Variants in PCDHGB1 observed in about 807,000 individuals in gnomAD.
PCDHGB1 encodes protocadherin gamma subfamily B, 1, also known as protocadherin gamma-B1.
In PCDHGB1, 34 loss-of-function variants were observed where a neutral mutation model predicts 56.6. The ratio of observed to expected loss-of-function variants is 0.60; its 90% CI spans 0.46 to 0.80. The LOEUF is 0.80. Among genes scored for constraint, PCDHGB1 ranks in the 30% least tolerant of loss-of-function variants. The pLI is 0.00. For missense variants in PCDHGB1, 1,278 were observed against 1,204.6 expected (o/e 1.06, Z -0.90); for synonymous variants, 561 against 505.9 (o/e 1.11, Z -1.46).
Position 141,486,054 on chromosome 5 carries a change from G to T in PCDHGB1, c.2410-8753G>T. The T allele has an allele frequency of 1.2e-6, 2 of 1,614,124 alleles. No homozygotes were observed. Among genetic ancestry groups the T allele is most frequent in the South Asian group, 1.1e-5 (1 of 91,072 alleles). On this transcript the variant is annotated intron_variant, in intron 1 of 3. Transcript: ENST00000523390. The surrounding 1 kb of genome is among the most constrained non-coding windows in gnomAD (Gnocchi z 5.0). The stretch of plus-strand genomic sequence containing the variant: ...CCTGATCGTGTAAGAAACCTCTTTA[G>T]CCTGCACCCCACTACTGGAAAGCTT...
In PCDHGB1 at chr5:141,476,574, G is replaced by C. The variant is rs746783993; in HGVS notation, c.2410-18233G>C. The C allele has an allele frequency of 1.1e-5, 18 of 1,614,084 alleles. No homozygotes were observed. The Admixed American group carries it at 1.8e-4, about 16-fold the overall frequency. On this transcript the variant is annotated intron_variant, in intron 1 of 3. Coordinates refer to ENST00000523390, the MANE Select transcript of PCDHGB1 (RefSeq NM_018922.3). The surrounding 1 kb of genome is among the most constrained non-coding windows in gnomAD (Gnocchi z 7.6). ...AGCGAGGCCGTGGCTCCGGGGACGC[G>C]CTTTCCGCTCGAGAGCGCGCACGAT...
intron 1 of PCDHGB1, chr5:141,419,522 C>T (rs781128524): frequency 1.5e-5 from 24 of 1,612,178 alleles, no homozygotes; most frequent in Non-Finnish European, 1.9e-5. Flanking sequence ...GGTGGGCGAC[C>T]GTAACGACAA....
chr5:141,424,023 A>G (rs1391381195), intron 1 of PCDHGB1: 1 of 1,047,166 alleles, frequency 9.5e-7, no homozygotes, highest in Non-Finnish European at 1.2e-6. Context: ...TGATTCACAA[A>G]CACTTTTTAT....
Position 141,485,778 on chromosome 5 carries a change from G to T in PCDHGB1, c.2410-9029G>T. The T allele has an allele frequency of 6.2e-7, 1 of 1,614,216 alleles. No individual in the cohort carries two copies. Among genetic ancestry groups the T allele is most frequent in the Admixed American group, 1.7e-5 (1 of 60,028 alleles). ...CTGCTCCTGGAGAAGCCTTTGGATC[G>T]AGAGAAGCAATCGGACTACCGCCTG... is the stretch of plus-strand genomic sequence containing the variant. On this transcript the variant is annotated intron_variant, in intron 1 of 3. Coordinates refer to ENST00000523390, the MANE Select transcript of PCDHGB1 (RefSeq NM_018922.3). The surrounding 1 kb of genome is among the most constrained non-coding windows in gnomAD (Gnocchi z 5.7).
At position 141,393,312 on chromosome 5, in the gene PCDHGB1, C is replaced by T. The variant is rs1308410982; in HGVS notation, c.2409+40643C>T. 8 of 1,613,494 alleles carry T rather than the reference C, an allele frequency of 5.0e-6. No homozygotes were observed. The East Asian group carries it at 8.9e-5, about 18-fold the overall frequency. On this transcript the variant is annotated intron_variant, in intron 1 of 3. Coordinates refer to ENST00000523390, the MANE Select transcript of PCDHGB1 (RefSeq NM_018922.3). ...TGACCCGGATGTGGGCGTGAACTCC[C>T]TCCAGAGCTACCAGCTCAGCCCCAA... is the stretch of plus-strand genomic sequence containing the variant.
In PCDHGB1 at chr5:141,417,986, A is replaced by G. The variant is rs777967345; in HGVS notation, c.2409+65317A>G. On this transcript the variant is annotated intron_variant, in intron 1 of 3. Coordinates refer to ENST00000523390, the MANE Select transcript of PCDHGB1 (RefSeq NM_018922.3). ...CTACTCGATTCCGGAGGAGCTGGCC[A>G]AGGGCTCGGTGGTGGGGAACCTCGC... The G allele has an allele frequency of 9.9e-6, 16 of 1,613,490 alleles. No individual in the cohort carries two copies. Among genetic ancestry groups the G allele is most frequent in the Non-Finnish European group, 1.4e-5 (16 of 1,179,718 alleles).
At chr5:141,362,734 T>C (rs955970127) in intron 1 of PCDHGB1, 2 of 766,658 alleles carry the variant, frequency 2.6e-6, no homozygotes, top group Non-Finnish European at 4.1e-6. Flanking sequence ...TGAGATTTAT[T>C]TACCCATGAT....
At chr5:141,374,796 A>G (rs1422023332) in intron 1 of PCDHGB1, 5 of 1,613,974 alleles carry the variant, frequency 3.1e-6, no homozygotes, top group Non-Finnish European at 3.4e-6. Context: ...GTGAATGACA[A>G]CACTCCAATG....
chr5:141,434,092 A>C (rs1333686339), intron 1 of PCDHGB1, among the ~76,000 whole-genome samples: 1 of 152,172 alleles, frequency 6.6e-6, no homozygotes, highest in Non-Finnish European at 1.5e-5. Context: ...TTTGATGCTG[A>C]AATTGTCCCA....
At chr5:141,410,847 G>GTTTTT (rs773839667) in intron 1 of PCDHGB1, 12 of 158,330 alleles carry the variant, frequency 7.6e-5, no homozygotes, top group African/African-American at 2.5e-4. Flanking sequence ...TTTTGTCTTT[G>GTTTTT]TCTTTTTTTT....
Position 141,431,432 on chromosome 5 carries a change from AC to A in PCDHGB1, c.2410-63373del. 2 of 1,613,692 alleles carry A rather than the reference AC, an allele frequency of 1.2e-6. No individual in the cohort carries two copies. Among genetic ancestry groups the A allele is most frequent in the Non-Finnish European group, 1.7e-6 (2 of 1,180,026 alleles). On this transcript the variant is annotated intron_variant, in intron 1 of 3. Transcript: ENST00000523390. The surrounding 1 kb of genome is among the most constrained non-coding windows in gnomAD (Gnocchi z 4.8). ...CGGGGGCGACCCGGTGCGCACAGGC[AC>A]CGCGCGCATCCGCGTGATGGTTCTG... is the stretch of plus-strand genomic sequence containing the variant.
Position 141,487,532 on chromosome 5 carries a change from A to C in PCDHGB1, c.2410-7275A>C. 6.2e-7 allele frequency: 1 copy of C among 1,614,158 alleles called. No homozygotes were observed. Among genetic ancestry groups the C allele is most frequent in the Non-Finnish European group, 8.5e-7 (1 of 1,180,022 alleles). On this transcript the variant is annotated intron_variant, in intron 1 of 3. Transcript: ENST00000523390. This position sits in a 1 kb window ranked among gnomAD's most constrained non-coding sequence, Gnocchi z 5.0. Reference sequence around the variant, plus strand: ...ACCCACTCGGAGTGATAGCTTCATGATGGTGAAGTCACCCAGTGCACCTAT... The same window carrying C: ...ACCCACTCGGAGTGATAGCTTCATGCTGGTGAAGTCACCCAGTGCACCTAT...
At position 141,350,877 on chromosome 5, in the gene PCDHGB1, G is replaced by T. The variant is rs749871543; in HGVS notation, c.617G>T (p.Arg206Leu). 1 of 1,614,022 alleles carries T rather than the reference G, an allele frequency of 6.2e-7. No homozygotes were observed. The highest frequency in any genetic ancestry group is 8.5e-7 in the Non-Finnish European group (1 of 1,179,908). Residue 206 changes from arginine to leucine, a missense_variant, in exon 1 of 4, where the codon CGC becomes CTC. Physicochemically the swap from Arg to Leu is moderately radical, Grantham distance 102 (BLOSUM62 -2). Transcript: ENST00000523390. The stretch of plus-strand genomic sequence containing the variant: ...GACAGGGAACATCAGAGCTCTCATC[G>T]CTTAATCCTGACTGCCATGGATGGC... ...PLDREHQSSHRLILTAMDGGD... is the reference protein window; with the variant it reads ...PLDREHQSSHLLILTAMDGGD...
In PCDHGB1 at chr5:141,350,464, A is replaced by C. The variant is rs1169518481; in HGVS notation, c.204A>C (p.Ala68=). ...ELPTRKLRVS[A]EDYFNVSLES... is the part of the protein sequence containing the mutation. ...CAACTCGAAAACTGCGGGTTAGTGC[A>C]GAGGATTATTTCAACGTTAGTTTGG... The change falls in exon 1 of 4, where the codon GCA becomes GCC. Residue 68 remains alanine, a synonymous_variant. Transcript: ENST00000523390. 6.2e-7 allele frequency: 1 copy of C among 1,613,988 alleles called. No individual in the cohort carries two copies. The highest frequency in any genetic ancestry group is 1.1e-5 in the South Asian group (1 of 91,086).
chr5:141,376,602 A>C, intron 1 of PCDHGB1: 1 of 1,521,112 alleles, frequency 6.6e-7, no homozygotes, highest in Non-Finnish European at 8.9e-7. Context: ...CTGTTATAGA[A>C]GCGAACCTCT....
intron 1 of PCDHGB1, chr5:141,376,159 C>A: frequency 1.9e-6 from 3 of 1,614,084 alleles, no homozygotes; most frequent in Non-Finnish European, 2.5e-6. Context: ...TCACTCTGTA[C>A]CTGGTGGTGG....
chr5:141,376,250 C>A, intron 1 of PCDHGB1: 1 of 1,614,246 alleles, frequency 6.2e-7, no homozygotes, highest in Non-Finnish European at 8.5e-7. Flanking sequence ...GCACAAGTCA[C>A]GCCTGCTGCA....
rs186638311 is a variant in PCDHGB1, at chr5:141,492,901, T to C, written c.2410-1906T>C. 3.7e-3 allele frequency among the ~76,000 whole-genome samples: 568 copies of C among 152,326 alleles called. 5 individuals carry two copies. The highest frequency in any genetic ancestry group is 0.011 in the Admixed American group (163 of 15,308). On this transcript the variant is annotated intron_variant, in intron 1 of 3. Coordinates refer to ENST00000523390, the MANE Select transcript of PCDHGB1 (RefSeq NM_018922.3). ...GAGATACAGGCTTTTGGCGCCGTCG[T>C]GATCACAATGTGCCCAGCGATCTAG...
chr5:141,434,566 G>A (rs1280487112), intron 1 of PCDHGB1, among the ~76,000 whole-genome samples: 1 of 152,196 alleles, frequency 6.6e-6, no homozygotes, highest in African/African-American at 2.4e-5. Flanking sequence ...TTAAGGACAT[G>A]CCCCTGCTGC....
Sources: allele counts gnomAD v4.1 joint callset (sites outside exome capture counted in the v4.1 genomes callset), GRCh38; gene constraint gnomAD v4.1.1; non-coding constraint Gnocchi (gnomAD v3.1); transcripts MANE v1.5; gene names NCBI Gene and HGNC (gene_info 2026-07-23, HGNC 2026-07-21).